The following FRMPD4 variants were observed in gnomAD, a reference collection of about 807,000 sequenced individuals.
FRMPD4 encodes the protein FERM and PDZ domain containing 4.
A neutral mutation model predicts 94.1 loss-of-function variants in FRMPD4; 22 were observed. That is an observed-to-expected ratio of 0.23 (90% CI 0.17 to 0.33). FRMPD4 has a LOEUF of 0.33. FRMPD4 is among the 10% of genes least tolerant of loss of function. The pLI, the probability that FRMPD4 is intolerant of heterozygous loss-of-function variation, is 1.00. For missense variants in FRMPD4, 1,111 were observed against 1,339.9 expected, an observed-to-expected ratio of 0.83 and a Z score of 2.67; for synonymous variants, 631 against 548.6, an observed-to-expected ratio of 1.15 and a Z score of -2.10.
At chrX:11,893,877 C>T (rs1326036078) in intron 3 of FRMPD4, among the ~76,000 whole-genome samples, 1 of 111,884 alleles carries the variant, frequency 8.9e-6, no homozygotes, top group African/African-American at 3.2e-5. Context: ...TTGTAGCACA[C>T]ACATCTTGCC....
chrX:11,833,167 A>G (rs1189914047), intron 1 of FRMPD4, among the ~76,000 whole-genome samples: 1 of 112,063 alleles, frequency 8.9e-6, no homozygotes, highest in Non-Finnish European at 1.9e-5. Context: ...TCATGGCTTG[A>G]TAGCTCATTA....
At chrX:12,082,185 C>T (rs1404297164) in intron 3 of FRMPD4, among the ~76,000 whole-genome samples, 1 of 111,657 alleles carries the variant, frequency 9.0e-6, no homozygotes, top group African/African-American at 3.3e-5. Context: ...TTGGCTGTGT[C>T]ATGACCCAAA....
intron 1 of FRMPD4, among the ~76,000 whole-genome samples, chrX:12,187,440 G>A (rs1459848276): frequency 9.0e-6 from 1 of 111,731 alleles, no homozygotes; most frequent in Non-Finnish European, 1.9e-5. Context: ...CTGGTCAGCA[G>A]TGTTTGTTGA....
intron 2 of FRMPD4, among the ~76,000 whole-genome samples, chrX:11,865,362 T>C (rs1361126944): frequency 8.9e-6 from 1 of 111,992 alleles, no homozygotes; most frequent in African/African-American, 3.2e-5. Flanking sequence ...TTCATGAACA[T>C]GAAAATATGT....
intron 1 of FRMPD4, among the ~76,000 whole-genome samples, chrX:12,311,322 TA>T (rs750396127): frequency 1.4e-3 from 155 of 112,518 alleles, no homozygotes; most frequent in African/African-American, 4.6e-3. Flanking sequence ...TCAATATTTT[TA>T]TCCTTCTCCC....
intron 1 of FRMPD4, among the ~76,000 whole-genome samples, chrX:11,837,320 C>A (rs890173774): frequency 4.5e-5 from 5 of 111,419 alleles, no homozygotes; most frequent in Admixed American, 9.5e-5. Context: ...GTTGTCAATT[C>A]TTTAAGATAG....
At chrX:11,969,106 G>T (rs148737655) in intron 3 of FRMPD4, among the ~76,000 whole-genome samples, 195 of 112,587 alleles carry the variant, frequency 1.7e-3, no homozygotes, top group African/African-American at 6.0e-3. Context: ...GTAAGCTTTG[G>T]CTTCAACATT....
rs948806136 is a variant in FRMPD4 at position 12,248,457 on chromosome X, T to C, written c.41+109445T>C. Reference sequence around the variant, plus strand: ...CCTTGTAGAGTCCAAGCAACTAACATGCTAATTGATTTCTTAGTTTCTTAG... The same window carrying C: ...CCTTGTAGAGTCCAAGCAACTAACACGCTAATTGATTTCTTAGTTTCTTAG... On this transcript the variant is annotated intron_variant, in intron 1 of 16. Coordinates refer to ENST00000675598, the MANE Select transcript of FRMPD4 (RefSeq NM_001368397.1). Among the ~76,000 whole-genome samples the C allele has an allele frequency of 2.7e-5, 3 of 112,527 alleles. No homozygotes were observed. The East Asian group carries it at 8.3e-4, about 31-fold the overall frequency.
At chrX:12,496,402 T>C (rs7064625) in intron 1 of FRMPD4, among the ~76,000 whole-genome samples, 1,301 of 111,812 alleles carry the variant, frequency 0.012, 24 homozygotes, top group African/African-American at 0.039. Context: ...TGAATCATAA[T>C]CATCATTTCT....
At chrX:12,597,298 C>G (rs2059040659) in intron 2 of FRMPD4, among the ~76,000 whole-genome samples, 1 of 112,467 alleles carries the variant, frequency 8.9e-6, no homozygotes, top group African/African-American at 3.2e-5. Context: ...TTTGCCAGCT[C>G]TCAATTTATC....
At chrX:12,695,180 G>T (rs770419152) in intron 9 of FRMPD4, among the ~76,000 whole-genome samples, 186 of 111,229 alleles carry the variant, frequency 1.7e-3, no homozygotes, top group African/African-American at 5.9e-3. Context: ...GTTTTCTTAT[G>T]ATTAGATTGA....
At chrX:12,237,542 A>C (rs2057083892) in intron 1 of FRMPD4, among the ~76,000 whole-genome samples, 1 of 112,332 alleles carries the variant, frequency 8.9e-6, no homozygotes, top group Non-Finnish European at 1.9e-5. Flanking sequence ...TATGACTCTC[A>C]TACTTGACTA....
At chrX:11,913,336 T>C (rs377437575) in intron 3 of FRMPD4, among the ~76,000 whole-genome samples, 1 of 112,489 alleles carries the variant, frequency 8.9e-6, no homozygotes, top group Non-Finnish European at 1.9e-5. Flanking sequence ...AACTGCACAT[T>C]GAATCATCTC....
At chrX:12,214,795 T>C (rs1026501844) in intron 1 of FRMPD4, among the ~76,000 whole-genome samples, 6 of 112,230 alleles carry the variant, frequency 5.3e-5, no homozygotes, top group Non-Finnish European at 7.5e-5. Context: ...AAAACAATTA[T>C]ATGAGAAAAT....
At chrX:12,183,448 C>T (rs186181291) in intron 1 of FRMPD4, among the ~76,000 whole-genome samples, 302 of 111,814 alleles carry the variant, frequency 2.7e-3, no homozygotes, top group South Asian at 0.011. Flanking sequence ...GTCTTTTTGC[C>T]TCCTTTTTCC....
rs1243668508 is a variant in FRMPD4, at chrX:12,621,942, AAG to A, written c.422+7075_422+7076del. On this transcript the variant is annotated intron_variant, in intron 4 of 16. Transcript: ENST00000675598. Reference sequence around the variant, plus strand: ...AAAGGAAGGGAGAAAGAAAGAAAGAAAGAGAGAGAGAGAGAAAGAAAGAAAGA... The same window carrying A: ...AAAGGAAGGGAGAAAGAAAGAAAGAAAGAGAGAGAGAGAAAGAAAGAAAGA... Among the ~76,000 whole-genome samples the A allele has an allele frequency of 6.0e-3, 552 of 91,673 alleles. 3 individuals carry two copies. The highest frequency in any genetic ancestry group is 9.3e-3 in the Non-Finnish European group (434 of 46,874). 79.6% of individuals were successfully genotyped at this position (91,673 alleles called of 115,157 possible). A position where few individuals can be genotyped will look rare whatever the true frequency, so the allele number is the denominator to read the frequency against.
intron 3 of FRMPD4, among the ~76,000 whole-genome samples, chrX:11,880,086 A>G (rs1261894741): frequency 8.9e-6 from 1 of 112,076 alleles, no homozygotes; most frequent in Non-Finnish European, 1.9e-5. Context: ...TTTGCTGTTG[A>G]TTAAAGAGCA....
intron 3 of FRMPD4, among the ~76,000 whole-genome samples, chrX:12,102,301 A>C (rs765413210): frequency 8.9e-6 from 1 of 112,104 alleles, no homozygotes. Flanking sequence ...TATGTATGTC[A>C]TTATAAGACA....
chrX:11,824,427 G>C (rs2053429279), intron 1 of FRMPD4, among the ~76,000 whole-genome samples: 1 of 111,525 alleles, frequency 9.0e-6, no homozygotes, highest in Non-Finnish European at 1.9e-5. Context: ...ATTGACCTTT[G>C]GGGTGGAGTA....
Sources: allele counts gnomAD v4.1 joint callset (sites outside exome capture counted in the v4.1 genomes callset), GRCh38; gene constraint gnomAD v4.1.1; transcripts MANE v1.5; gene names NCBI Gene and HGNC (gene_info 2026-07-23, HGNC 2026-07-21).